Variants in DENND1A observed in about 807,000 individuals in gnomAD.
The protein encoded by DENND1A is DENN domain-containing protein 1A.
Under a neutral mutation model 113.7 loss-of-function variants are expected in DENND1A, and 51 were observed. The ratio of observed to expected loss-of-function variants is 0.45; its 90% CI spans 0.36 to 0.57. DENND1A has a LOEUF of 0.57. Among genes scored for constraint, DENND1A ranks in the 20% least tolerant of loss-of-function variants. The pLI, the probability that DENND1A is intolerant of heterozygous loss-of-function variation, is 0.00. For missense variants in DENND1A, 1,258 were observed against 1,395.9 expected (o/e 0.90, Z 1.57); for synonymous variants, 565 against 570.8 (o/e 0.99, Z 0.14).
chr9:123,663,714 C>T (rs1357985341), intron 8 of DENND1A, among the ~76,000 whole-genome samples: 1 of 151,952 alleles, frequency 6.6e-6, no homozygotes, highest in Non-Finnish European at 1.5e-5. Context: ...CAGTATTAAT[C>T]TTTTACAACA....
chr9:123,691,827 G>T (rs968066445), intron 5 of DENND1A, among the ~76,000 whole-genome samples: 1 of 152,136 alleles, frequency 6.6e-6, no homozygotes, highest in South Asian at 2.1e-4. Flanking sequence ...GAAGAAGGAG[G>T]TTCCAAAAAT....
At chr9:123,655,857 C>A (rs1237500063) in intron 8 of DENND1A, among the ~76,000 whole-genome samples, 4 of 152,224 alleles carry the variant, frequency 2.6e-5, no homozygotes, top group Admixed American at 1.3e-4. Flanking sequence ...CTCATCCTCT[C>A]ATTTCTATCT....
intron 13 of DENND1A, among the ~76,000 whole-genome samples, chr9:123,552,426 G>A (rs931718279): frequency 6.6e-6 from 1 of 152,358 alleles, no homozygotes; most frequent in Admixed American, 6.5e-5. Flanking sequence ...CAGGGTCCAG[G>A]GAGGCAGAAG....
chr9:123,709,414 C>G (rs1326356108), intron 5 of DENND1A, among the ~76,000 whole-genome samples: 1 of 152,192 alleles, frequency 6.6e-6, no homozygotes, highest in Non-Finnish European at 1.5e-5. Flanking sequence ...TCTCTTGCCT[C>G]ATTTTCCCCA....
chr9:123,418,811 G>A (rs868438348), intron 19 of DENND1A, among the ~76,000 whole-genome samples: 24 of 152,234 alleles, frequency 1.6e-4, no homozygotes, highest in African/African-American at 5.8e-4. Context: ...GTTGCCCAGA[G>A]CAAGTGCGTA....
chr9:123,876,832 C>A (rs1489443089), intron 2 of DENND1A, among the ~76,000 whole-genome samples: 1 of 152,096 alleles, frequency 6.6e-6, no homozygotes, highest in Non-Finnish European at 1.5e-5. Flanking sequence ...TAAGTGTCCA[C>A]CAATGGGCAA....
intron 2 of DENND1A, chr9:123,843,783 G>A (rs893817019): frequency 6.5e-6 from 1 of 153,254 alleles, no homozygotes; most frequent in Admixed American, 6.5e-5. Flanking sequence ...ACAGCACTGT[G>A]TTTTACGTAA....
intron 2 of DENND1A, among the ~76,000 whole-genome samples, chr9:123,807,677 T>C (rs1043191657): frequency 2.0e-5 from 3 of 152,214 alleles, no homozygotes; most frequent in Non-Finnish European, 2.9e-5. Context: ...ATTGCCCTTA[T>C]TAAATTTCCT....
chr9:123,681,697 A>G (rs755097658), intron 5 of DENND1A, among the ~76,000 whole-genome samples: 2 of 152,164 alleles, frequency 1.3e-5, no homozygotes, highest in Non-Finnish European at 2.9e-5. Context: ...GAAAGTAGAG[A>G]CAGATAAAAT....
chr9:123,637,927 A>ACACACG (rs1252609791), intron 9 of DENND1A, among the ~76,000 whole-genome samples: 1 of 91,916 alleles, frequency 1.1e-5, no homozygotes, highest in Non-Finnish European at 2.1e-5. Flanking sequence ...ACACACACAC[A>ACACACG]CACACGCACA....
intron 2 of DENND1A, among the ~76,000 whole-genome samples, chr9:123,816,249 G>T (rs549341300): frequency 6.6e-6 from 1 of 152,228 alleles, no homozygotes; most frequent in South Asian, 2.1e-4. Flanking sequence ...TGATCTGCCA[G>T]CCTTGGCATC....
chr9:123,880,064 G>C (rs1848098087), intron 1 of DENND1A, among the ~76,000 whole-genome samples: 2 of 152,146 alleles, frequency 1.3e-5, no homozygotes, highest in Admixed American at 1.3e-4. Flanking sequence ...CCAGGCTGAA[G>C]TGCAGTGGCA....
chr9:123,667,040 T>C lies in DENND1A; in HGVS notation c.493A>G (p.Ser165Gly), dbSNP rs370312038. 160 of 1,597,464 alleles carry C rather than the reference T, an allele frequency of 1.0e-4. No individual in the cohort carries two copies. The highest frequency in any genetic ancestry group is 1.3e-4 in the Non-Finnish European group (157 of 1,175,050). ...FTVPDTRELP[S>G]IPENRNLTEY... ...CAAGTACTTACATTCTCAGGTATGC[T>C]GGGAAGTTCTCTGGTATCAGGCACA... Residue 165 changes from serine to glycine, a missense_variant, in exon 8 of 24, where the codon AGC becomes GGC. Ser to Gly is a moderately conservative substitution (Grantham distance 56, BLOSUM62 0). Transcript: ENST00000394215.
At chr9:123,758,644 T>C (rs955405431) in intron 4 of DENND1A, among the ~76,000 whole-genome samples, 1 of 152,178 alleles carries the variant, frequency 6.6e-6, no homozygotes, top group African/African-American at 2.4e-5. Flanking sequence ...CATGGTGTTT[T>C]CTAAGAAATG....
intron 5 of DENND1A, among the ~76,000 whole-genome samples, chr9:123,744,613 C>T (rs1388175924): frequency 6.6e-6 from 1 of 152,120 alleles, no homozygotes; most frequent in Non-Finnish European, 1.5e-5. Flanking sequence ...GTGTCATCTG[C>T]AAGCTAGCAT....
At chr9:123,729,118 AAAT>A (rs1338142711) in intron 5 of DENND1A, among the ~76,000 whole-genome samples, 2 of 152,192 alleles carry the variant, frequency 1.3e-5, no homozygotes, top group African/African-American at 2.4e-5. Context: ...ATGTATCTCA[AAAT>A]AATAAGAGCT....
At chr9:123,916,861 A>G (rs1855238224) in intron 1 of DENND1A, among the ~76,000 whole-genome samples, 1 of 152,178 alleles carries the variant, frequency 6.6e-6, no homozygotes, top group Non-Finnish European at 1.5e-5. Context: ...ATTTTTAAAC[A>G]GTAATTCCAA....
At chr9:123,711,487 A>AAAAATATATATATATGTATATATG (rs1564997543) in intron 5 of DENND1A, among the ~76,000 whole-genome samples, 2 of 64,778 alleles carry the variant, frequency 3.1e-5, no homozygotes, top group Admixed American at 3.3e-4. Context: ...AAATTAAAAA[A>AAAAATATATATATATGTATATATG]TATATATATA....
chr9:123,839,912 G>A (rs1188600210), intron 2 of DENND1A, among the ~76,000 whole-genome samples: 4 of 152,008 alleles, frequency 2.6e-5, no homozygotes, highest in East Asian at 1.9e-4. Context: ...ATGAGAAACC[G>A]AAACTATTTT....
Sources: gnomAD v4.1 joint callset for allele counts (sites outside exome capture counted in the v4.1 genomes callset) on GRCh38, gnomAD v4.1.1 for gene constraint, MANE v1.5 for transcripts, NCBI Gene and HGNC (gene_info 2026-07-23, HGNC 2026-07-21) for gene names.